The following ABCC2 variants were observed in gnomAD, a reference collection of about 807,000 sequenced individuals.
The protein encoded by ABCC2 is ATP-binding cassette sub-family C member 2.
A neutral mutation model predicts 173.4 loss-of-function variants in ABCC2; 157 were observed. That is an observed-to-expected ratio of 0.91 (90% CI 0.80 to 1.03). The LOEUF is 1.03. Ranked by LOEUF, ABCC2 falls within the 50% of genes least tolerant of loss-of-function variation. ABCC2 has a pLI of 0.00. For missense variants in ABCC2, 1,822 were observed against 1,852.3 expected, an observed-to-expected ratio of 0.98 and a Z score of 0.30; for synonymous variants, 657 against 693.5, an observed-to-expected ratio of 0.95 and a Z score of 0.83.
At chr10:99,809,717 C>G (rs964125611) in intron 13 of ABCC2, among the ~76,000 whole-genome samples, 8 of 152,208 alleles carry the variant, frequency 5.3e-5, no homozygotes, top group Non-Finnish European at 1.0e-4. Flanking sequence ...TGCAGGGTCC[C>G]CCTGATGCTA....
intron 11 of ABCC2, among the ~76,000 whole-genome samples, chr10:99,806,061 G>GTCTCTCTC (rs951981564): frequency 5.2e-5 from 6 of 114,666 alleles, no homozygotes; most frequent in Non-Finnish European, 8.6e-5. Flanking sequence ...ATCTACTACA[G>GTCTCTCTC]TCTCTCTCTC....
chr10:99,819,165 T>C lies in ABCC2; in HGVS notation c.2516T>C (p.Ile839Thr). ...ATTGTAGTTCTGGGGAATGGAACAA[T>C]TGTAGAGAAAGGATCCTACAGTGCT... Reference protein sequence around the residue: ...DEIVVLGNGTIVEKGSYSALL... With the variant: ...DEIVVLGNGTTVEKGSYSALL... The change falls in exon 19 of 32, where the codon ATT becomes ACT. Residue 839 changes from isoleucine to threonine, a missense_variant. By Grantham distance (89) the Ile-to-Thr change is moderately conservative. Transcript: ENST00000647814. 6.2e-7 allele frequency: 1 copy of C among 1,614,176 alleles called. No individual in the cohort carries two copies. Among genetic ancestry groups the C allele is most frequent in the African/African-American group, 1.3e-5 (1 of 75,038 alleles).
rs1480829160 is a variant in ABCC2, at chr10:99,804,206, G to A, written c.1397G>A (p.Gly466Asp). ...WRELGPSVLA[G>D]VGVMVLVIPI... is the part of the protein sequence containing the mutation. ...GAGTTGGGACCCTCAGTCTTAGCAG[G>A]TGTTGGGGTGATGGTGCTTGTAATC... The change falls in exon 10 of 32, where the codon GGT becomes GAT. Residue 466 changes from glycine to aspartate, a missense_variant. Transcript: ENST00000647814. 5.0e-6 allele frequency: 8 copies of A among 1,614,100 alleles called. No homozygotes were observed. In the Admixed American group the frequency reaches 1.0e-4, roughly 20 times the overall value.
chr10:99,797,802 G>T (rs1205559765), intron 7 of ABCC2: 2 of 205,526 alleles, frequency 9.7e-6, no homozygotes, highest in Non-Finnish European at 2.0e-5. Flanking sequence ...TAAAACAATA[G>T]TGTATTTGGA....
Position 99,834,423 on chromosome 10 carries a change from G to T in ABCC2, c.3302G>T (p.Ser1101Ile), listed in dbSNP as rs751095276. ...GACACCCTGCCTCAGTCCTTGCGCA[G>T]CTGGATTACATGCTTCCTGGGGATA... The part of the protein sequence containing the change: ...VDDTLPQSLR[S>I]WITCFLGIIS... The change falls in exon 24 of 32, where the codon AGC (serine) becomes ATC (isoleucine). Residue 1101 changes from serine to isoleucine, a missense_variant. By Grantham distance (142) the Ser-to-Ile change is moderately radical (BLOSUM62 -2). Transcript: ENST00000647814. 1 of 1,614,040 alleles carries T rather than the reference G, an allele frequency of 6.2e-7. No homozygotes were observed. Among genetic ancestry groups the T allele is most frequent in the African/African-American group, 1.3e-5 (1 of 74,902 alleles).
At chr10:99,850,032 T>G (rs557431077) in intron 30 of ABCC2, among the ~76,000 whole-genome samples, 3 of 152,316 alleles carry the variant, frequency 2.0e-5, no homozygotes, top group Non-Finnish European at 2.9e-5. Context: ...CAGCTTCATC[T>G]CTAATCAAAG....
chr10:99,814,583 A>G (rs1348702480), intron 16 of ABCC2, among the ~76,000 whole-genome samples: 5 of 105,426 alleles, frequency 4.7e-5, no homozygotes, highest in African/African-American at 9.7e-5. Flanking sequence ...ACATATGTGT[A>G]TATACACATA....
intron 24 of ABCC2, among the ~76,000 whole-genome samples, 185 bp from the exon 25 acceptor site, chr10:99,835,906 C>T (rs1178287464): frequency 6.6e-6 from 1 of 152,194 alleles, no homozygotes; most frequent in East Asian, 1.9e-4. Flanking sequence ...CCAGTCTTCT[C>T]ATTGGTCTCC....
At chr10:99,796,469 A>C (rs1479289281) in intron 6 of ABCC2, among the ~76,000 whole-genome samples, 2 of 152,082 alleles carry the variant, frequency 1.3e-5, no homozygotes, top group Non-Finnish European at 2.9e-5. Flanking sequence ...GCGCCACTGC[A>C]CTCCAGCCTA....
chr10:99,796,512 C>CA (rs1285804722), intron 6 of ABCC2, among the ~76,000 whole-genome samples: 5 of 151,830 alleles, frequency 3.3e-5, no homozygotes, highest in African/African-American at 1.2e-4. Flanking sequence ...TCAACAGAAA[C>CA]AAAAAAAGAA....
In ABCC2 at chr10:99,811,208, G is replaced by A. The variant is rs548793182; in HGVS notation, c.1901-328G>A. On this transcript the variant is annotated intron_variant, in intron 14 of 31. Coordinates refer to ENST00000647814, the MANE Select transcript of ABCC2 (RefSeq NM_000392.5). ...TAGCGGGGCATGGTGGTGCATGCCT[G>A]TAGTCCCAGCTACCTGGAGGCTGAG... Among the ~76,000 whole-genome samples, 260 of 151,930 alleles carry A rather than the reference G, an allele frequency of 1.7e-3. 1 individual carries two copies. Among genetic ancestry groups the A allele is most frequent in the Middle Eastern group, 0.01 (3 of 294 alleles).
intron 19 of ABCC2, among the ~76,000 whole-genome samples, chr10:99,822,756 T>C (rs1399816581): frequency 1.3e-5 from 2 of 152,216 alleles, no homozygotes; most frequent in Non-Finnish European, 2.9e-5. Flanking sequence ...GTACACTCCT[T>C]ACTGTCTCCT....
intron 7 of ABCC2, 31 bp from the exon 8 acceptor site, chr10:99,799,176 T>C (rs992258579): frequency 1.2e-5 from 19 of 1,613,154 alleles, no homozygotes; most frequent in Non-Finnish European, 1.6e-5. Context: ...GACATAACTC[T>C]GTGGACACTG....
chr10:99,846,015 G>A (rs1024858821), intron 29 of ABCC2, among the ~76,000 whole-genome samples: 1 of 152,220 alleles, frequency 6.6e-6, no homozygotes, highest in Non-Finnish European at 1.5e-5. Flanking sequence ...CAACACAACA[G>A]AAGTCAAGTA....
At chr10:99,843,763 C>A in intron 26 of ABCC2, 36 bp from the exon 27 acceptor site, 1 of 1,569,966 alleles carries the variant, frequency 6.4e-7, no homozygotes, top group Non-Finnish European at 8.8e-7. Flanking sequence ...GGTTTCTGTG[C>A]CTATGATGAT....
rs755712044 is a variant in ABCC2, at chr10:99,813,042, C to T, written c.1992C>T (p.Gly664=). The T allele has an allele frequency of 1.2e-6, 2 of 1,613,376 alleles. No homozygotes were observed. The highest frequency in any genetic ancestry group is 2.2e-5 in the East Asian group (1 of 44,872). ...GTGTGAACCTGGACATTATGGCAGG[C>T]CAACTTGTGGCTGTGATAGGCCCTG... The part of the protein sequence containing the change: ...VRDVNLDIMA[G]QLVAVIGPVG... The change falls in exon 16 of 32, where the codon GGC becomes GGT. Residue 664 remains glycine (G), a synonymous_variant. Coordinates refer to ENST00000647814, the MANE Select transcript of ABCC2 (RefSeq NM_000392.5).
intron 16 of ABCC2, among the ~76,000 whole-genome samples, chr10:99,816,382 C>G (rs930243174): frequency 6.6e-6 from 1 of 151,948 alleles, no homozygotes; most frequent in South Asian, 2.1e-4. Flanking sequence ...CTCCTGGGTT[C>G]AAGCGATTCT....
intron 19 of ABCC2, among the ~76,000 whole-genome samples, chr10:99,828,429 A>G (rs1434977160): frequency 6.6e-6 from 1 of 152,218 alleles, no homozygotes; most frequent in Non-Finnish European, 1.5e-5. Context: ...AACACATCAC[A>G]AACTGAATGG....
intron 2 of ABCC2, among the ~76,000 whole-genome samples, chr10:99,787,516 A>G (rs1227897649): frequency 6.6e-6 from 1 of 152,126 alleles, no homozygotes; most frequent in Admixed American, 6.5e-5. Context: ...ATTCCTGCCA[A>G]CAGTGTGTTA....
Sources: gnomAD v4.1 joint callset for allele counts (sites outside exome capture counted in the v4.1 genomes callset) on GRCh38, gnomAD v4.1.1 for gene constraint, MANE v1.5 for transcripts, NCBI Gene and HGNC (gene_info 2026-07-23, HGNC 2026-07-21) for gene names.